The following MAML3 variants were observed in gnomAD, a reference collection of about 807,000 sequenced individuals.
MAML3 encodes mastermind-like protein 3.
In MAML3, 27 loss-of-function variants were observed where a neutral mutation model predicts 101.9. The observed-to-expected ratio is 0.27, with a 90% CI of 0.20 to 0.37. MAML3 has a LOEUF of 0.37. Among genes scored for constraint, MAML3 ranks in the 10% least tolerant of loss-of-function variants. The pLI, the probability that MAML3 is intolerant of heterozygous loss-of-function variation, is 1.00. For synonymous variants in MAML3, 501 were observed against 555.9 expected (o/e 0.90, Z 1.39); for missense variants, 1,316 against 1,444.9 (o/e 0.91, Z 1.45).
chr4:140,042,603 C>T (rs981720351), intron 1 of MAML3, among the ~76,000 whole-genome samples: 4 of 151,608 alleles, frequency 2.6e-5, no homozygotes, highest in Non-Finnish European at 4.4e-5. Flanking sequence ...CACTGCACTC[C>T]AGCCTGGGTG....
intron 1 of MAML3, among the ~76,000 whole-genome samples, chr4:140,117,537 A>C (rs1319382817): frequency 6.6e-6 from 1 of 152,088 alleles, no homozygotes; most frequent in African/African-American, 2.4e-5. Flanking sequence ...TTTATACTGC[A>C]AAATATTGCA....
chr4:139,914,262 C>T (rs907314127), intron 1 of MAML3, among the ~76,000 whole-genome samples: 4 of 152,202 alleles, frequency 2.6e-5, no homozygotes, highest in South Asian at 2.1e-4. Flanking sequence ...ATAAAGGGCT[C>T]GGCAAAAATT....
chr4:139,823,450 A>G (rs994624755), intron 2 of MAML3, among the ~76,000 whole-genome samples: 1 of 152,090 alleles, frequency 6.6e-6, no homozygotes, highest in African/African-American at 2.4e-5. Context: ...AAAGGCCATG[A>G]ACTGTGACTG....
At chr4:139,726,783 C>T (rs952938346) in intron 3 of MAML3, among the ~76,000 whole-genome samples, 4 of 152,180 alleles carry the variant, frequency 2.6e-5, no homozygotes, top group East Asian at 1.9e-4. Context: ...CTTCCACTCA[C>T]GGGGATGCTG....
intron 2 of MAML3, among the ~76,000 whole-genome samples, chr4:139,783,727 G>A (rs1176521695): frequency 6.6e-6 from 1 of 152,168 alleles, no homozygotes; most frequent in African/African-American, 2.4e-5. Flanking sequence ...GATTTGGGGG[G>A]TGCTGGTTAA....
chr4:140,017,909 T>C, intron 1 of MAML3, among the ~76,000 whole-genome samples: 1 of 151,942 alleles, frequency 6.6e-6, no homozygotes, highest in Admixed American at 6.6e-5. Context: ...TTTTAAAATA[T>C]TACCATTTGG....
intron 2 of MAML3, among the ~76,000 whole-genome samples, chr4:139,776,350 T>A (rs977746749): frequency 6.6e-6 from 1 of 152,180 alleles, no homozygotes; most frequent in Non-Finnish European, 1.5e-5. Flanking sequence ...CCTGTCGTGA[T>A]ACAGTGCCCT....
At chr4:140,063,281 G>C (rs1167138396) in intron 1 of MAML3, among the ~76,000 whole-genome samples, 1 of 152,206 alleles carries the variant, frequency 6.6e-6, no homozygotes, top group African/African-American at 2.4e-5. Context: ...GAGACACAGA[G>C]AGGGAATGAA....
intron 2 of MAML3, among the ~76,000 whole-genome samples, chr4:139,883,769 T>C (rs1479368748): frequency 6.6e-6 from 1 of 152,076 alleles, no homozygotes; most frequent in Non-Finnish European, 1.5e-5. Context: ...CTAGCAGTAT[T>C]TGACTTTCTG....
chr4:139,974,947 T>G (rs1334185130), intron 1 of MAML3, among the ~76,000 whole-genome samples: 1 of 151,670 alleles, frequency 6.6e-6, no homozygotes, highest in African/African-American at 2.4e-5. Context: ...AATTCTTGAT[T>G]AGGGACAGGG....
At chr4:140,040,454 C>T (rs1727063454) in intron 1 of MAML3, among the ~76,000 whole-genome samples, 3 of 152,198 alleles carry the variant, frequency 2.0e-5, no homozygotes. Flanking sequence ...CCCACCTGAA[C>T]ATCAACAAGT....
chr4:139,831,746 T>G (rs1319219690), intron 2 of MAML3, among the ~76,000 whole-genome samples: 1 of 151,386 alleles, frequency 6.6e-6, no homozygotes, highest in Non-Finnish European at 1.5e-5. Flanking sequence ...GAACATGATA[T>G]CCTGAGGAAC....
intron 1 of MAML3, among the ~76,000 whole-genome samples, chr4:140,143,756 G>A (rs1370197079): frequency 6.6e-6 from 1 of 152,090 alleles, no homozygotes; most frequent in African/African-American, 2.4e-5. Flanking sequence ...GCGAGACTCT[G>A]TCTCAAAAAA....
chr4:139,905,084 C>G (rs1732795998), intron 1 of MAML3, among the ~76,000 whole-genome samples: 1 of 152,234 alleles, frequency 6.6e-6, no homozygotes, highest in South Asian at 2.1e-4. Flanking sequence ...GAAGAAAGAG[C>G]TGTATAGACC....
intron 2 of MAML3, among the ~76,000 whole-genome samples, chr4:139,830,448 T>C (rs1391679647): frequency 1.4e-5 from 2 of 139,886 alleles, no homozygotes; most frequent in African/African-American, 5.7e-5. Flanking sequence ...GGAGTCTCGC[T>C]CCGTCACCCA....
At chr4:140,143,631 G>C (rs1303046927) in intron 1 of MAML3, among the ~76,000 whole-genome samples, 4 of 152,072 alleles carry the variant, frequency 2.6e-5, no homozygotes, top group Admixed American at 2.0e-4. Flanking sequence ...CGTGGTGGCG[G>C]GTGCCTGTAA....
intron 1 of MAML3, among the ~76,000 whole-genome samples, chr4:140,005,538 C>G (rs1281232273): frequency 1.3e-5 from 2 of 152,164 alleles, no homozygotes; most frequent in Admixed American, 6.5e-5. Context: ...TAAATAACAA[C>G]AGATTGGAAA....
intron 2 of MAML3, chr4:139,888,535 C>T (rs145603152): frequency 1.9e-6 from 1 of 518,790 alleles, no homozygotes; most frequent in African/African-American, 1.9e-5. Flanking sequence ...TGGCTGTTTG[C>T]CACTGGTCAG....
chr4:139,941,078 T>A (rs1733588010), intron 1 of MAML3, among the ~76,000 whole-genome samples: 1 of 152,228 alleles, frequency 6.6e-6, no homozygotes, highest in African/African-American at 2.4e-5. Flanking sequence ...GTAGATTTGG[T>A]CTAGGGTTTC....
Sources: gnomAD v4.1 joint callset for allele counts (sites outside exome capture counted in the v4.1 genomes callset) on GRCh38, gnomAD v4.1.1 for gene constraint, MANE v1.5 for transcripts, NCBI Gene and HGNC (gene_info 2026-07-23, HGNC 2026-07-21) for gene names.